The following ZNF536 variants were observed in gnomAD, a reference collection of about 807,000 sequenced individuals.
ZNF536 encodes zinc finger protein 536.
In ZNF536, 13 loss-of-function variants were observed where a neutral mutation model predicts 84.5. The observed-to-expected ratio is 0.15, with a 90% CI of 0.10 to 0.24. The LOEUF (loss-of-function observed/expected upper bound fraction) is 0.24. Among genes scored for constraint, ZNF536 ranks in the 10% least tolerant of loss-of-function variants. ZNF536 has a pLI of 1.00. For synonymous variants in ZNF536, 811 were observed against 742.5 expected (o/e 1.09, Z -1.50); for missense variants, 1,536 against 1,747.5 (o/e 0.88, Z 2.16).
chr19:30,687,604 G>A (rs927793041), intron 1 of ZNF536, among the ~76,000 whole-genome samples: 1 of 152,106 alleles, frequency 6.6e-6, no homozygotes, highest in African/African-American at 2.4e-5. Flanking sequence ...TTCAACCTAT[G>A]AGCTCAATTA....
intron 1 of ZNF536, among the ~76,000 whole-genome samples, chr19:30,281,864 G>A (rs2045458465): frequency 6.6e-6 from 1 of 152,160 alleles, no homozygotes; most frequent in South Asian, 2.1e-4. Context: ...TGGGCTCATG[G>A]ACAGAGTCTC....
At chr19:30,249,963 GC>G (rs1442502079) in intron 1 of ZNF536, among the ~76,000 whole-genome samples, 1 of 152,204 alleles carries the variant, frequency 6.6e-6, no homozygotes, top group African/African-American at 2.4e-5. Context: ...CCCTGAATCT[GC>G]CCTCTTGCCA....
chr19:30,404,019 C>CTTTTTTTTTTTTTTTTTTTTTTTCTT (rs11336660), intron 1 of ZNF536, among the ~76,000 whole-genome samples: 1 of 123,370 alleles, frequency 8.1e-6, no homozygotes, highest in Non-Finnish European at 1.6e-5. Context: ...TTCCTTTCCT[C>CTTTTTTTTTTTTTTTTTTTTTTTCTT]TTTTTTTTTT....
Position 30,393,136 on chromosome 19 carries a change from C to T in ZNF536, c.-3+20580C>T, listed in dbSNP as rs1012205045. On this transcript the variant is annotated intron_variant, in intron 1 of 4. Transcript: ENST00000355537. The stretch of plus-strand genomic sequence containing the variant: ...AGAACAATCCCCTGTATCATTTATT[C>T]GTCCATCCACTCATTCATTCACTCA... Among the ~76,000 whole-genome samples, 33 of 152,174 alleles carry T rather than the reference C, an allele frequency of 2.2e-4. 1 individual carries two copies. Among genetic ancestry groups the T allele is most frequent in the Non-Finnish European group, 2.9e-5 (2 of 68,032 alleles).
At chr19:30,611,822 G>A (rs1246097822) in intron 1 of ZNF536, among the ~76,000 whole-genome samples, 1 of 152,158 alleles carries the variant, frequency 6.6e-6, no homozygotes, top group East Asian at 1.9e-4. Flanking sequence ...ATTACTTTCT[G>A]ATTGGCTAGG....
chr19:30,526,616 T>C (rs909861767), intron 2 of ZNF536, among the ~76,000 whole-genome samples: 3 of 140,198 alleles, frequency 2.1e-5, no homozygotes, highest in South Asian at 2.2e-4. Flanking sequence ...CCCAGCTACT[T>C]GGGAGGCTGA....
At chr19:30,435,495 G>A (rs1409123140) in intron 1 of ZNF536, among the ~76,000 whole-genome samples, 1 of 151,700 alleles carries the variant, frequency 6.6e-6, no homozygotes, top group Non-Finnish European at 1.5e-5. Context: ...TGATGACGAT[G>A]GTGATGACAG....
rs202164325 is a variant in ZNF536 at position 30,423,121 on chromosome 19, G to GCATC, written c.-2-20413_-2-20410dup. ...CTCATCTACACATCCATCCATCCAT[G>GCATC]CATCCATCCATCCATCCATCCATCC... On this transcript the variant is annotated intron_variant, in intron 1 of 4. Coordinates refer to ENST00000355537, the MANE Select transcript of ZNF536 (RefSeq NM_014717.3). 1.7e-3 allele frequency among the ~76,000 whole-genome samples: 42 copies of GCATC among 25,242 alleles called. 1 individual carries two copies. The highest frequency in any genetic ancestry group is 2.0e-3 in the Non-Finnish European group (21 of 10,654). 16.6% of individuals were successfully genotyped at this position (25,242 alleles called of 152,430 possible).
chr19:30,333,537 G>T (rs1007733452), intron 2 of ZNF536, among the ~76,000 whole-genome samples: 7 of 152,216 alleles, frequency 4.6e-5, no homozygotes, highest in Non-Finnish European at 7.3e-5. Context: ...GGCTGTCTTT[G>T]TCTGGGGCTT....
At chr19:30,627,025 T>C (rs1198306141) in intron 1 of ZNF536, among the ~76,000 whole-genome samples, 2 of 152,160 alleles carry the variant, frequency 1.3e-5, no homozygotes, top group African/African-American at 4.8e-5. Context: ...TACTGGGCTC[T>C]GGAGGGTGGG....
chr19:30,544,219 G>A (rs1212016056), intron 3 of ZNF536, among the ~76,000 whole-genome samples: 1 of 152,162 alleles, frequency 6.6e-6, no homozygotes, highest in Admixed American at 6.5e-5. Context: ...GGCAGGAGGT[G>A]GAACTGTATA....
chr19:30,349,569 A>C (rs1281078619), intron 2 of ZNF536, among the ~76,000 whole-genome samples: 2 of 152,060 alleles, frequency 1.3e-5, no homozygotes, highest in Non-Finnish European at 2.9e-5. Flanking sequence ...TTCTTGCTAC[A>C]CACTGGTTCC....
intron 1 of ZNF536, among the ~76,000 whole-genome samples, chr19:30,616,115 T>A (rs2048286054): frequency 6.6e-6 from 1 of 152,236 alleles, no homozygotes; most frequent in African/African-American, 2.4e-5. Flanking sequence ...TGGAGTCATA[T>A]CTTTTTGCAA....
At chr19:30,383,654 C>CTT (rs1177554176) in intron 1 of ZNF536, among the ~76,000 whole-genome samples, 8 of 4,766 alleles carry the variant, frequency 1.7e-3, no homozygotes, top group African/African-American at 4.7e-3. Flanking sequence ...TCCTTTCTTT[C>CTT]TCTCTTTCTC....
chr19:30,504,743 C>A (rs1223327043), intron 2 of ZNF536, among the ~76,000 whole-genome samples: 1 of 151,664 alleles, frequency 6.6e-6, no homozygotes, highest in Non-Finnish European at 1.5e-5. Context: ...TTCTGGGCTC[C>A]TCGGATTCAG....
chr19:30,459,318 TTTTCTTTCTTTC>T (rs993168582), intron 2 of ZNF536, among the ~76,000 whole-genome samples: 2 of 151,046 alleles, frequency 1.3e-5, no homozygotes, highest in Non-Finnish European at 3.0e-5. Context: ...TTTCCTTTCC[TTTTCTTTCTTTC>T]TTTCTTTCCT....
At chr19:30,681,027 C>T (rs555897613) in intron 1 of ZNF536, among the ~76,000 whole-genome samples, 7 of 152,228 alleles carry the variant, frequency 4.6e-5, no homozygotes, top group South Asian at 4.2e-4. Context: ...TTTTTCATGT[C>T]GTTATGGAAC....
intron 2 of ZNF536, among the ~76,000 whole-genome samples, chr19:30,451,941 G>T (rs1029636225): frequency 6.6e-6 from 1 of 152,208 alleles, no homozygotes; most frequent in East Asian, 1.9e-4. Flanking sequence ...GGAATTAAGC[G>T]GTCAATTTTC....
intron 1 of ZNF536, among the ~76,000 whole-genome samples, chr19:30,386,177 T>C (rs775304792): frequency 7.9e-5 from 12 of 152,136 alleles, no homozygotes; most frequent in Non-Finnish European, 1.6e-4. Flanking sequence ...CTTTTTCTCC[T>C]TCATCTCCAC....
Sources: gnomAD v4.1 joint callset for allele counts (sites outside exome capture counted in the v4.1 genomes callset) on GRCh38, gnomAD v4.1.1 for gene constraint, MANE v1.5 for transcripts, NCBI Gene and HGNC (gene_info 2026-07-23, HGNC 2026-07-21) for gene names.